Variants in GPR21 observed in about 807,000 individuals in gnomAD.
GPR21 encodes the protein G protein-coupled receptor 21.
A neutral mutation model predicts 21.5 loss-of-function variants in GPR21; 9 were observed. The ratio of observed to expected loss-of-function variants is 0.42; its 90% CI spans 0.25 to 0.73. GPR21 has a LOEUF of 0.73. Among genes scored for constraint, GPR21 ranks in the 30% least tolerant of loss-of-function variants. The pLI is 0.27. For synonymous variants in GPR21, 169 were observed against 159.3 expected, an observed-to-expected ratio of 1.06 and a Z score of -0.46; for missense variants, 416 against 428.9, an observed-to-expected ratio of 0.97 and a Z score of 0.27.
the GPR21 span, among the ~76,000 whole-genome samples, chr9:123,045,976 G>C: frequency 6.6e-6 from 1 of 152,118 alleles, no homozygotes; most frequent in South Asian, 2.1e-4. Context: ...TGACTTCCAG[G>C]TCCTGCAAAT....
downstream of GPR21, among the ~76,000 whole-genome samples, chr9:123,037,510 A>G (rs1019318264): frequency 2.6e-5 from 4 of 152,238 alleles, no homozygotes; most frequent in African/African-American, 9.6e-5. Flanking sequence ...CTTTTCTGTT[A>G]GATTCTGAAA....
the GPR21 span, among the ~76,000 whole-genome samples, chr9:123,044,626 CGTGTGTGT>C: frequency 4.0e-5 from 6 of 148,976 alleles, no homozygotes; most frequent in East Asian, 4.0e-4. Flanking sequence ...AACACACGTA[CGTGTGTGT>C]GTGTGTGTGT....
Position 123,034,398 on chromosome 9 carries a change from G to A in GPR21, c.-169G>A, listed in dbSNP as rs1229083217. ...TCCAGGAAGGATTTAAAGGGGAATT[G>A]CACTGCAGGCAATGCACCAGAGCAG... On this transcript the variant is annotated 5_prime_UTR_variant, in exon 2 of 2. Transcript: ENST00000616002. The A allele has an allele frequency of 1.7e-6, 1 of 605,230 alleles. No individual in the cohort carries two copies. The highest frequency in any genetic ancestry group is 3.0e-5 in the Admixed American group (1 of 33,298). The allele number at this position is 605,230 out of a possible 1,614,324, so 37.5% of individuals were successfully genotyped here.
At chr9:123,037,450 C>A (rs1347168647), downstream of GPR21, among the ~76,000 whole-genome samples, 2 of 152,028 alleles carry the variant, frequency 1.3e-5, no homozygotes, top group Non-Finnish European at 2.9e-5. Flanking sequence ...ACTGAAATTG[C>A]AAGTTATGTT....
In GPR21 at chr9:123,034,756, A is replaced by G. The variant is rs148491998; in HGVS notation, c.190A>G (p.Thr64Ala). The G allele has an allele frequency of 6.6e-5, 107 of 1,613,768 alleles. 1 individual carries two copies. The highest frequency in any genetic ancestry group is 4.9e-4 in the Middle Eastern group (3 of 6,084). ...HCAPLLNHHT[T>A]SYFIQTMAYA... ...TGCACCTTTGTTGAACCATCACACT[A>G]CAAGTTATTTTATCCAGACTATGGC... Residue 64 changes from threonine (T) to alanine (A), a missense_variant, in exon 2 of 2, where the codon ACA (threonine) becomes GCA (alanine). Coordinates refer to ENST00000616002, the MANE Select transcript of GPR21 (RefSeq NM_005294.3).
Position 123,035,418 on chromosome 9 carries a change from C to T in GPR21, c.852C>T (p.Phe284=), listed in dbSNP as rs370690398. The T allele has an allele frequency of 1.3e-4, 207 of 1,614,010 alleles. No homozygotes were observed. The highest frequency in any genetic ancestry group is 1.6e-4 in the Non-Finnish European group (192 of 1,180,010). Residue 284 remains phenylalanine (F), a synonymous_variant, in exon 2 of 2, where the codon TTC becomes TTT. Transcript: ENST00000616002. ...LESSTGHSNR[F]ASFLTTWLAI... is the part of the protein sequence containing the mutation. ...GCTCCACTGGCCACAGCAACCGCTT[C>T]GCATCCTTCTTGACCACCTGGCTTG... is the stretch of plus-strand genomic sequence containing the variant.
In GPR21 at chr9:123,034,517, G is replaced by A; in HGVS notation, c.-50G>A. The A allele has an allele frequency of 8.4e-7, 1 of 1,187,928 alleles. No homozygotes were observed. The allele number at this position is 1,187,928 out of a possible 1,614,324, so 73.6% of individuals were successfully genotyped here. ...ACAGCAGCTGCTTCTTTGAACTGTT[G>A]GCAGCAGCCAAGCGGCAGCATGAAG... On this transcript the variant is annotated 5_prime_UTR_variant, in exon 2 of 2. It introduces an in-frame stop codon into an upstream open reading frame of the 5' UTR. Coordinates refer to ENST00000616002, the MANE Select transcript of GPR21 (RefSeq NM_005294.3).
the GPR21 span, among the ~76,000 whole-genome samples, chr9:123,040,797 A>G: frequency 6.6e-6 from 1 of 152,170 alleles, no homozygotes; most frequent in African/African-American, 2.4e-5. Context: ...ATAGCATCAG[A>G]TAATTAGGGA....
chr9:123,034,851 A>T lies in GPR21; in HGVS notation c.285A>T (p.Pro95=), dbSNP rs755301688. 3 of 1,614,006 alleles carry T rather than the reference A, an allele frequency of 1.9e-6. No homozygotes were observed. In the South Asian group the frequency reaches 3.3e-5, roughly 18 times the overall value. ...TATCACTCCTCCATCACCCCCTTCCAGTAGAGGAGTCCTTGACTTGCCAGA... is the reference window on the plus strand; with the variant it reads ...TATCACTCCTCCATCACCCCCTTCCTGTAGAGGAGTCCTTGACTTGCCAGA... The part of the protein sequence containing the change: ...PSLSLLHHPL[P]VEESLTCQIF... The change falls in exon 2 of 2, where the codon CCA becomes CCT. Residue 95 remains proline, a synonymous_variant. Coordinates refer to ENST00000616002, the MANE Select transcript of GPR21 (RefSeq NM_005294.3).
chr9:123,046,664 C>T, the GPR21 span, among the ~76,000 whole-genome samples: 1 of 152,180 alleles, frequency 6.6e-6, no homozygotes, highest in African/African-American at 2.4e-5. Flanking sequence ...GCACTCAGTA[C>T]ATGTTAGCTG....
Position 123,034,949 on chromosome 9 carries a change from A to G in GPR21, c.383A>G (p.Tyr128Cys). ...ASLACISIDR[Y>C]IAITKPLTYN... ...CTGGCCTGTATCAGCATTGATAGAT[A>G]CATTGCCATTACTAAACCTTTAACC... is the stretch of plus-strand genomic sequence containing the variant. Residue 128 changes from tyrosine to cysteine, a missense_variant, in exon 2 of 2, where the codon TAC becomes TGC. By Grantham distance (194) the Tyr-to-Cys change is radical. Transcript: ENST00000616002. 6.2e-7 allele frequency: 1 copy of G among 1,612,892 alleles called. No homozygotes were observed. Among genetic ancestry groups the G allele is most frequent in the Non-Finnish European group, 8.5e-7 (1 of 1,178,968 alleles).
downstream of GPR21, chr9:123,035,841 C>G (rs1391518574): frequency 3.2e-5 from 15 of 471,658 alleles, no homozygotes; most frequent in Non-Finnish European, 4.8e-5. Context: ...ATCATGAAGA[C>G]AAATTGCTCT....
At chr9:123,042,272 A>G in the GPR21 span, among the ~76,000 whole-genome samples, 2 of 152,206 alleles carry the variant, frequency 1.3e-5, no homozygotes, top group African/African-American at 4.8e-5. Flanking sequence ...CCATCAATCA[A>G]CACATCCCAC....
chr9:123,042,991 C>T, the GPR21 span, among the ~76,000 whole-genome samples: 1 of 151,966 alleles, frequency 6.6e-6, no homozygotes, highest in Non-Finnish European at 1.5e-5. Context: ...CTTTTTGCCA[C>T]AATAAAGCTA....
In GPR21 at chr9:123,034,897, G is replaced by A. The variant is rs751441530; in HGVS notation, c.331G>A (p.Val111Ile). ...TCQIFGFVVS[V>I]LKSVSMASLA... ...CCAGATATTTGGTTTTGTAGTATCA[G>A]TTCTGAAGAGCGTCTCCATGGCTTC... The change falls in exon 2 of 2, where the codon GTT (valine) becomes ATT (isoleucine). Residue 111 changes from valine to isoleucine, a missense_variant. By Grantham distance (29) the Val-to-Ile change is conservative. Transcript: ENST00000616002. The A allele has an allele frequency of 2.5e-6, 4 of 1,613,470 alleles. No individual in the cohort carries two copies. Among genetic ancestry groups the A allele is most frequent in the Non-Finnish European group, 3.4e-6 (4 of 1,179,454 alleles).
chr9:123,035,289 A>G lies in GPR21; in HGVS notation c.723A>G (p.Glu241=). ...GCAGCCAGAGTGGGGAGACTGGGGA[A>G]GTGCAGGCCTGTCCTGATAAGCGCT... is the stretch of plus-strand genomic sequence containing the variant. ...RFSSQSGETG[E]VQACPDKRYA... Residue 241 remains glutamate, a synonymous_variant, in exon 2 of 2, where the codon GAA becomes GAG. Coordinates refer to ENST00000616002, the MANE Select transcript of GPR21 (RefSeq NM_005294.3). 1 of 1,614,168 alleles carries G rather than the reference A, an allele frequency of 6.2e-7. No individual in the cohort carries two copies. The highest frequency in any genetic ancestry group is 8.5e-7 in the Non-Finnish European group (1 of 1,179,998).
downstream of GPR21, chr9:123,035,740 T>C: frequency 1.6e-6 from 1 of 634,148 alleles, no homozygotes; most frequent in African/African-American, 1.8e-5. Flanking sequence ...ATACTTTGAC[T>C]CTAAACAATA....
chr9:123,046,365 C>A, the GPR21 span, among the ~76,000 whole-genome samples: 1 of 152,118 alleles, frequency 6.6e-6, no homozygotes, highest in Non-Finnish European at 1.5e-5. Flanking sequence ...ACAATTTTGG[C>A]AGCTCCTATT....
At chr9:123,036,166 G>A (rs533878937), downstream of GPR21, among the ~76,000 whole-genome samples, 3 of 152,274 alleles carry the variant, frequency 2.0e-5, no homozygotes, top group African/African-American at 7.2e-5. Context: ...AATGTTCTGT[G>A]TTTTATTCTC....
Sources: gnomAD v4.1 joint callset for allele counts (sites outside exome capture counted in the v4.1 genomes callset) on GRCh38, gnomAD v4.1.1 for gene constraint, MANE v1.5 for transcripts, NCBI Gene and HGNC (gene_info 2026-07-23, HGNC 2026-07-21) for gene names.